ZNF385D: variants seen among roughly 807,000 people sequenced by gnomAD.
ZNF385D encodes zinc finger protein 659.
A neutral mutation model predicts 35.8 loss-of-function variants in ZNF385D; 15 were observed. The ratio of observed to expected loss-of-function variants is 0.42; its 90% CI spans 0.28 to 0.64. ZNF385D has a LOEUF of 0.64. Among genes scored for constraint, ZNF385D ranks in the 30% least tolerant of loss-of-function variants. ZNF385D has a pLI of 0.23. For synonymous variants in ZNF385D, 212 were observed against 186.8 expected (o/e 1.13, Z -1.10); for missense variants, 474 against 494.6 (o/e 0.96, Z 0.39).
chr3:22,003,350 C>T (rs527299745), intron 3 of ZNF385D, among the ~76,000 whole-genome samples: 9 of 152,046 alleles, frequency 5.9e-5, no homozygotes, highest in African/African-American at 2.2e-4. Flanking sequence ...AGCATAATTC[C>T]TGTGAATAAA....
intron 3 of ZNF385D, among the ~76,000 whole-genome samples, chr3:21,853,731 C>T (rs1696548043): frequency 6.6e-6 from 1 of 151,622 alleles, no homozygotes; most frequent in African/African-American, 2.4e-5. Flanking sequence ...GAGTGAATTT[C>T]CTCATCTGTA....
intron 3 of ZNF385D, among the ~76,000 whole-genome samples, chr3:22,124,495 G>GA (rs34740912): frequency 1 from 152,264 of 152,264 alleles, 76,132 homozygotes; most frequent in Non-Finnish European, 1. Flanking sequence ...GTTTTTTGTG[G>GA]ACCTCTATAC....
At chr3:21,790,801 A>G (rs538493272) in intron 3 of ZNF385D, among the ~76,000 whole-genome samples, 1 of 152,296 alleles carries the variant, frequency 6.6e-6, no homozygotes, top group African/African-American at 2.4e-5. Context: ...TTTCTTAAGG[A>G]GTTTCCTTAT....
chr3:22,016,832 A>G (rs1045227687), intron 3 of ZNF385D, among the ~76,000 whole-genome samples: 1 of 152,026 alleles, frequency 6.6e-6, no homozygotes, highest in Admixed American at 6.6e-5. Flanking sequence ...TCAAGCTCCT[A>G]GCCTGCCTCT....
intron 2 of ZNF385D, among the ~76,000 whole-genome samples, chr3:22,203,586 G>A (rs1000081507): frequency 2.6e-5 from 4 of 152,108 alleles, no homozygotes; most frequent in Non-Finnish European, 5.9e-5. Flanking sequence ...CTCTTGGATG[G>A]CATTTGTGGA....
intron 3 of ZNF385D, among the ~76,000 whole-genome samples, chr3:22,144,446 G>C (rs766246551): frequency 6.6e-6 from 1 of 151,766 alleles, no homozygotes; most frequent in Non-Finnish European, 1.5e-5. Context: ...AGGTGTGGTG[G>C]TGCATGCCTT....
intron 3 of ZNF385D, among the ~76,000 whole-genome samples, chr3:22,060,696 A>C (rs1306760523): frequency 6.6e-6 from 1 of 152,134 alleles, no homozygotes; most frequent in East Asian, 1.9e-4. Flanking sequence ...GAAGTTTTAG[A>C]TGATTAAAAT....
rs1559316545 is a variant in ZNF385D at position 22,030,282 on chromosome 3, T to TAC, written c.325+138534_325+138535insGT. 1.0e-4 allele frequency among the ~76,000 whole-genome samples: 12 copies of TAC among 114,512 alleles called. No homozygotes were observed. The East Asian group carries it at 1.5e-3, about 14-fold the overall frequency. The allele number at this position is 114,512 out of a possible 152,430, so 75.1% of individuals were successfully genotyped here. On this transcript the variant is annotated intron_variant, in intron 3 of 5. Coordinates refer to the ZNF385D transcript ENST00000494108. ...ATATATATATATATATATATATATA[T>TAC]ATATATATATATATATATATCCTAT...
intron 2 of ZNF385D, among the ~76,000 whole-genome samples, chr3:22,269,282 C>G (rs1408870559): frequency 6.6e-6 from 1 of 151,900 alleles, no homozygotes; most frequent in Non-Finnish European, 1.5e-5. Flanking sequence ...TAACAACTAT[C>G]AGAGGCATCC....
chr3:22,322,251 G>C (rs971429897), intron 2 of ZNF385D, among the ~76,000 whole-genome samples: 1 of 151,992 alleles, frequency 6.6e-6, no homozygotes, highest in African/African-American at 2.4e-5. Context: ...GGCATTTATA[G>C]TCTTTCCACA....
At chr3:22,169,256 G>A (rs1398954760) in intron 2 of ZNF385D, among the ~76,000 whole-genome samples, 2 of 152,088 alleles carry the variant, frequency 1.3e-5, no homozygotes, top group Non-Finnish European at 2.9e-5. Flanking sequence ...TCCCAATACT[G>A]TGCTATATGT....
At chr3:21,863,626 A>G (rs1697177169) in intron 3 of ZNF385D, among the ~76,000 whole-genome samples, 1 of 152,134 alleles carries the variant, frequency 6.6e-6, no homozygotes, top group African/African-American at 2.4e-5. Flanking sequence ...GAGAGAGAAG[A>G]TAAGAAACTA....
intron 1 of ZNF385D, among the ~76,000 whole-genome samples, chr3:21,692,404 C>T (rs2067312335): frequency 6.6e-6 from 1 of 152,198 alleles, no homozygotes; most frequent in Non-Finnish European, 1.5e-5. Context: ...TTTTCTCTCT[C>T]ACCAATCACA....
Position 21,646,726 on chromosome 3 carries a change from C to G in ZNF385D, c.165+18160G>C, listed in dbSNP as rs1219602166. On this transcript the variant is annotated intron_variant, in intron 2 of 7. Transcript: ENST00000281523. This position sits in a 1 kb window ranked among gnomAD's most constrained non-coding sequence, Gnocchi z 4.3. ...CCATCAGAGGCCTGTACAGACCCTT[C>G]CAGTTACTTTCCTTCCTTATATCAT... Among the ~76,000 whole-genome samples the G allele has an allele frequency of 6.6e-6, 1 of 152,182 alleles. No homozygotes were observed. Among genetic ancestry groups the G allele is most frequent in the African/African-American group, 2.4e-5 (1 of 41,454 alleles).
At chr3:22,317,280 CAAAAAAAA>C (rs59675675) in intron 2 of ZNF385D, among the ~76,000 whole-genome samples, 92 of 26,114 alleles carry the variant, frequency 3.5e-3, no homozygotes, top group East Asian at 0.012. Flanking sequence ...ACTCCATCTC[CAAAAAAAA>C]AAAAAAAAAA....
chr3:22,233,910 TA>T (rs2125302331), intron 2 of ZNF385D, among the ~76,000 whole-genome samples: 1 of 152,242 alleles, frequency 6.6e-6, no homozygotes, highest in Admixed American at 6.5e-5. Context: ...ATTAAAGTTT[TA>T]ATCATTCTTT....
chr3:22,364,900 T>A (rs912312701), intron 2 of ZNF385D, among the ~76,000 whole-genome samples: 1 of 152,080 alleles, frequency 6.6e-6, no homozygotes, highest in East Asian at 1.9e-4. Flanking sequence ...ACACACACAG[T>A]GGAATATCAT....
chr3:22,090,688 G>A (rs1051506343), intron 3 of ZNF385D, among the ~76,000 whole-genome samples: 1 of 152,090 alleles, frequency 6.6e-6, no homozygotes, highest in African/African-American at 2.4e-5. Context: ...GTGAAATTTA[G>A]GGTACCAATT....
intron 3 of ZNF385D, among the ~76,000 whole-genome samples, chr3:21,921,762 A>C (rs150967650): frequency 9.2e-5 from 14 of 152,174 alleles, no homozygotes; most frequent in African/African-American, 1.7e-4. Context: ...AAATTTCTGG[A>C]AACACAATCT....
Sources: gnomAD v4.1 joint callset for allele counts (sites outside exome capture counted in the v4.1 genomes callset) on GRCh38, gnomAD v4.1.1 for gene constraint, Gnocchi (gnomAD v3.1) non-coding constraint, MANE v1.5 for transcripts, NCBI Gene and HGNC (gene_info 2026-07-23, HGNC 2026-07-21) for gene names.